Variants in MTCL2 observed in about 807,000 individuals in gnomAD.
MTCL2 encodes microtubule crosslinking factor 2.
At chr20:36,832,374 C>A in the MTCL2 span, among the ~76,000 whole-genome samples, 4 of 152,240 alleles carry the variant, frequency 2.6e-5, no homozygotes, top group African/African-American at 9.6e-5. Context: ...CAGTCCCCAT[C>A]AAGAAGTCAC....
chr20:36,831,161 GA>G, the MTCL2 span, among the ~76,000 whole-genome samples: 1 of 152,226 alleles, frequency 6.6e-6, no homozygotes, highest in Non-Finnish European at 1.5e-5. Context: ...TCTGGGCTGG[GA>G]AATTGCAACC....
At chr20:36,841,874 GGT>G in the MTCL2 span, among the ~76,000 whole-genome samples, 10,831 of 110,372 alleles carry the variant, frequency 0.098, 406 homozygotes, top group Middle Eastern at 0.12. Context: ...TGGGGGGTGG[GGT>G]GTGTGTGTGT....
the MTCL2 span, among the ~76,000 whole-genome samples, chr20:36,792,617 A>T: frequency 6.6e-6 from 1 of 151,880 alleles, no homozygotes; most frequent in Non-Finnish European, 1.5e-5. Flanking sequence ...GGAGAGCAGT[A>T]AGGCCCCTTC....
the MTCL2 span, among the ~76,000 whole-genome samples, chr20:36,818,743 C>T: frequency 6.6e-6 from 1 of 152,176 alleles, no homozygotes; most frequent in African/African-American, 2.4e-5. Context: ...AAAGTAAAAA[C>T]ATAAATGACA....
At chr20:36,810,105 G>C in the MTCL2 span, 1 of 1,594,214 alleles carries the variant, frequency 6.3e-7, no homozygotes. Context: ...GCAGCTCCTT[G>C]ATCTGTGGTA....
At chr20:36,824,476 G>A in the MTCL2 span, among the ~76,000 whole-genome samples, 1 of 152,114 alleles carries the variant, frequency 6.6e-6, no homozygotes, top group East Asian at 1.9e-4. Context: ...GACAGAAAGC[G>A]GATGAGTGGT....
chr20:36,834,970 G>A, the MTCL2 span, among the ~76,000 whole-genome samples: 3 of 151,878 alleles, frequency 2.0e-5, no homozygotes, highest in Non-Finnish European at 4.4e-5. Context: ...ACTCCAGCCT[G>A]GGTGACAGAG....
At chr20:36,819,431 C>G in the MTCL2 span, among the ~76,000 whole-genome samples, 1 of 152,080 alleles carries the variant, frequency 6.6e-6, no homozygotes, top group East Asian at 1.9e-4. Context: ...GAAACCAAGA[C>G]AGAGGGGCAG....
At chr20:36,791,322 C>T in the MTCL2 span, among the ~76,000 whole-genome samples, 7 of 152,148 alleles carry the variant, frequency 4.6e-5, no homozygotes, top group East Asian at 1.9e-4. Flanking sequence ...CATGAGCCAC[C>T]GCGCCCGGCC....
chr20:36,858,133 G>A, the MTCL2 span, among the ~76,000 whole-genome samples: 1 of 152,122 alleles, frequency 6.6e-6, no homozygotes. Context: ...ACTGCAGAAA[G>A]AACAGGCCCA....
At chr20:36,810,067 C>G in the MTCL2 span, 1 of 1,598,950 alleles carries the variant, frequency 6.3e-7, no homozygotes, top group Non-Finnish European at 8.5e-7. Context: ...GCCCCGGAGG[C>G]TGTCGTGGGC....
the MTCL2 span, chr20:36,808,677 G>T: frequency 6.2e-7 from 1 of 1,611,176 alleles, no homozygotes; most frequent in Non-Finnish European, 8.5e-7. Flanking sequence ...TCCAGCCTCC[G>T]CTGGAGGCTC....
At chr20:36,839,576 G>A in the MTCL2 span, 1 of 712,784 alleles carries the variant, frequency 1.4e-6, no homozygotes, top group Non-Finnish European at 2.3e-6. The surrounding 1 kb of genome is among the most constrained non-coding windows in gnomAD (Gnocchi z 5.1). Context: ...GACCTCCAAA[G>A]ACGTCCATGT....
the MTCL2 span, chr20:36,828,672 G>GC: frequency 5.3e-6 from 1 of 189,190 alleles, no homozygotes; most frequent in Non-Finnish European, 1.1e-5. Context: ...GGGCACCACT[G>GC]CCCCATTGTA....
the MTCL2 span, chr20:36,797,599 C>A: frequency 6.4e-7 from 1 of 1,551,602 alleles, no homozygotes; most frequent in Non-Finnish European, 8.7e-7. Context: ...GAGGGTGGGT[C>A]GGTAATGGGC....
the MTCL2 span, chr20:36,794,148 G>A: frequency 8.4e-6 from 13 of 1,551,096 alleles, no homozygotes; most frequent in African/African-American, 4.1e-5. This position sits in a 1 kb window ranked among gnomAD's most constrained non-coding sequence, Gnocchi z 5.4. Context: ...CCGTCCAGGC[G>A]CTGCCGTGAG....
the MTCL2 span, among the ~76,000 whole-genome samples, chr20:36,817,032 C>T: frequency 2.0e-5 from 3 of 151,874 alleles, no homozygotes; most frequent in Non-Finnish European, 4.4e-5. Flanking sequence ...TTTGGGAGGC[C>T]GAGGCAGGTG....
chr20:36,863,100 C>T, the MTCL2 span: 5 of 1,400,132 alleles, frequency 3.6e-6, no homozygotes, highest in Admixed American at 1.0e-4. This position sits in a 1 kb window ranked among gnomAD's most constrained non-coding sequence, Gnocchi z 6.2. Context: ...ACCCGCACCG[C>T]GCGCCCCGGG....
chr20:36,796,866 A>C, the MTCL2 span: 1 of 1,613,696 alleles, frequency 6.2e-7, no homozygotes, highest in Non-Finnish European at 8.5e-7. Context: ...AGAGCAGGGG[A>C]CCAGCATGCA....
Sources: gnomAD v4.1 joint callset for allele counts (sites outside exome capture counted in the v4.1 genomes callset) on GRCh38, gnomAD v4.1.1 for gene constraint, Gnocchi (gnomAD v3.1) non-coding constraint, MANE v1.5 for transcripts, NCBI Gene and HGNC (gene_info 2026-07-23, HGNC 2026-07-21) for gene names.